CYFIP2: variants seen among roughly 807,000 people sequenced by gnomAD.
CYFIP2 encodes the protein cytoplasmic FMR1-interacting protein 2.
Under a neutral mutation model 158.7 loss-of-function variants are expected in CYFIP2, and 29 were observed. That is an observed-to-expected ratio of 0.18 (90% CI 0.14 to 0.25). The LOEUF (loss-of-function observed/expected upper bound fraction) is 0.25, where lower values mean the gene tolerates loss of function less well. CYFIP2 is among the 10% of genes least tolerant of loss of function. The pLI is 1.00. For synonymous variants in CYFIP2, 585 were observed against 617.6 expected (o/e 0.95, Z 0.78); for missense variants, 852 against 1,639.5 (o/e 0.52, Z 8.29).
At chr5:157,370,340 A>T (rs1303181200) in intron 26 of CYFIP2, among the ~76,000 whole-genome samples, 1 of 152,208 alleles carries the variant, frequency 6.6e-6, no homozygotes, top group Non-Finnish European at 1.5e-5. Context: ...TGATTCTGTT[A>T]TTTACATAAT....
At chr5:157,341,024 A>G (rs755907671) in intron 22 of CYFIP2, 46 bp from the exon 23 acceptor site, 2 of 1,562,006 alleles carry the variant, frequency 1.3e-6, no homozygotes, top group African/African-American at 1.4e-5. Flanking sequence ...ATGGAGAATA[A>G]TATTAGGACC....
chr5:157,286,938 C>T (rs1258210208), intron 2 of CYFIP2, 81 bp from the exon 3 acceptor site: 3 of 1,015,330 alleles, frequency 3.0e-6, no homozygotes, highest in African/African-American at 3.2e-5. Context: ...TGTTTGTTGG[C>T]AGCAGTTTGC....
rs374454539 is a variant in CYFIP2, at chr5:157,302,922, G to T, written c.666+32G>T. 1.7e-3 allele frequency: 2,678 copies of T among 1,531,480 alleles called. 1 individual carries two copies. Among genetic ancestry groups the T allele is most frequent in the Non-Finnish European group, 2.1e-3 (2,402 of 1,131,708 alleles). 94.9% of individuals were successfully genotyped at this position (1,531,480 alleles called of 1,614,324 possible). Reference sequence around the variant, plus strand: ...GCAGACTCCTTGTTAGGCCTGGCCTGATGTCTCGGGGTTATAGGCAGGCGT... The same window carrying T: ...GCAGACTCCTTGTTAGGCCTGGCCTTATGTCTCGGGGTTATAGGCAGGCGT... On this transcript the variant is annotated intron_variant, in intron 7 of 30. Transcript: ENST00000620254.
chr5:157,306,585 C>T (rs554956688), intron 8 of CYFIP2, among the ~76,000 whole-genome samples: 9 of 152,294 alleles, frequency 5.9e-5, no homozygotes, highest in African/African-American at 2.2e-4. Context: ...GAAGTTCATT[C>T]TGCAGAACAA....
chr5:157,272,827 T>C (rs935527808), intron 1 of CYFIP2, among the ~76,000 whole-genome samples: 1 of 152,206 alleles, frequency 6.6e-6, no homozygotes, highest in Non-Finnish European at 1.5e-5. Context: ...GCTTTTCATT[T>C]CGCTGCAGAA....
At chr5:157,322,838 A>G in intron 15 of CYFIP2, 3 of 1,237,550 alleles carry the variant, frequency 2.4e-6, no homozygotes, top group Non-Finnish European at 3.4e-6. Flanking sequence ...CACCGTATAC[A>G]ATACCTCTTG....
intron 24 of CYFIP2, among the ~76,000 whole-genome samples, chr5:157,359,752 G>A (rs1763673399): frequency 1.3e-5 from 2 of 152,238 alleles, no homozygotes; most frequent in Non-Finnish European, 2.9e-5. Context: ...TTCAAATGAT[G>A]AAAGAGAAAG....
intron 23 of CYFIP2, chr5:157,341,601 G>A (rs1435263195): frequency 1.2e-5 from 2 of 164,704 alleles, no homozygotes; most frequent in East Asian, 3.6e-4. Flanking sequence ...AAACAGCTGT[G>A]AGTATATGAA....
chr5:157,284,881 C>G (rs1484037652), intron 1 of CYFIP2, among the ~76,000 whole-genome samples: 3 of 152,184 alleles, frequency 2.0e-5, no homozygotes, highest in Non-Finnish European at 4.4e-5. Flanking sequence ...TCTTGGCTGT[C>G]ACGATCCTGG....
chr5:157,300,703 C>T lies in CYFIP2; in HGVS notation c.388-12C>T. On this transcript the variant is annotated splice_polypyrimidine_tract_variant and intron_variant, in intron 5 of 30. Coordinates refer to ENST00000620254, the MANE Select transcript of CYFIP2 (RefSeq NM_001037333.3). ...GCACAGTGGACCTTACTCACTGCCC[C>T]TCTGCCCCCAGCGCAAGGCCATCGA... The T allele has an allele frequency of 6.4e-7, 1 of 1,568,938 alleles. No homozygotes were observed. Among genetic ancestry groups the T allele is most frequent in the Non-Finnish European group, 8.7e-7 (1 of 1,155,798 alleles).
intron 13 of CYFIP2, among the ~76,000 whole-genome samples, chr5:157,315,724 A>G (rs919499871): frequency 2.6e-5 from 4 of 152,240 alleles, no homozygotes; most frequent in African/African-American, 9.6e-5. Flanking sequence ...TATATGAAAC[A>G]ACTTAAATGT....
At chr5:157,335,869 GA>G (rs890234757) in intron 21 of CYFIP2, among the ~76,000 whole-genome samples, 2 of 151,716 alleles carry the variant, frequency 1.3e-5, no homozygotes, top group Non-Finnish European at 2.9e-5. Flanking sequence ...TATCTTATGG[GA>G]AAAAAAAGAT....
chr5:157,386,379 G>A (rs1387679035), intron 28 of CYFIP2, among the ~76,000 whole-genome samples: 1 of 151,784 alleles, frequency 6.6e-6, no homozygotes, highest in Non-Finnish European at 1.5e-5. Context: ...CACCATACCT[G>A]GATAATTTTT....
intron 3 of CYFIP2, among the ~76,000 whole-genome samples, chr5:157,289,737 G>A (rs903441119): frequency 6.6e-6 from 1 of 152,190 alleles, no homozygotes; most frequent in African/African-American, 2.4e-5. Context: ...CTGAGGTCCT[G>A]TGGGGTTAGG....
At chr5:157,300,549 A>G (rs1581007781) in intron 5 of CYFIP2, among the ~76,000 whole-genome samples, 166 bp from the exon 6 acceptor site, 1 of 143,878 alleles carries the variant, frequency 7.0e-6, no homozygotes. Flanking sequence ...AAAAAAAAAA[A>G]GAAAAAAAGA....
chr5:157,389,649 C>G, intron 29 of CYFIP2: 1 of 497,294 alleles, frequency 2.0e-6, no homozygotes, highest in South Asian at 3.0e-5. Context: ...CTACACTGTA[C>G]TACTGGAAAA....
intron 23 of CYFIP2, among the ~76,000 whole-genome samples, chr5:157,345,987 C>G (rs1762658650): frequency 6.6e-6 from 1 of 152,236 alleles, no homozygotes; most frequent in African/African-American, 2.4e-5. Flanking sequence ...TATTCCACAA[C>G]CAAAGCAGTA....
At chr5:157,330,595 C>A (rs913859927) in intron 19 of CYFIP2, 147 bp from the exon 20 acceptor site, 12 of 579,352 alleles carry the variant, frequency 2.1e-5, no homozygotes, top group Non-Finnish European at 2.7e-5. Flanking sequence ...TTTGACGTAA[C>A]TTGTCTAGAG....
chr5:157,330,933 C>A, intron 20 of CYFIP2, 83 bp downstream of exon 20: 1 of 1,090,378 alleles, frequency 9.2e-7, no homozygotes. Flanking sequence ...AGAAATCAGG[C>A]CTGGGTATTG....
Sources: allele counts gnomAD v4.1 joint callset (sites outside exome capture counted in the v4.1 genomes callset), GRCh38; gene constraint gnomAD v4.1.1; transcripts MANE v1.5; gene names NCBI Gene and HGNC (gene_info 2026-07-23, HGNC 2026-07-21).